Variants in LARP1 observed in about 807,000 individuals in gnomAD.
The protein encoded by LARP1 is La ribonucleoprotein 1, translational regulator, also known as la-related protein 1.
A neutral mutation model predicts 122.7 loss-of-function variants in LARP1; 36 were observed. That is an observed-to-expected ratio of 0.29 (90% CI 0.22 to 0.39). LARP1 has a LOEUF of 0.39. Ranked by LOEUF, LARP1 falls within the 10% of genes least tolerant of loss-of-function variation. The probability of loss-of-function intolerance (pLI) is 1.00; values close to 1 mark genes in which losing one functional copy is unlikely to be tolerated. For missense variants in LARP1, 1,040 were observed against 1,403.6 expected (o/e 0.74, Z 4.14); for synonymous variants, 539 against 528.7 (o/e 1.02, Z -0.27).
chr5:154,782,430 A>C (rs1048042321), intron 1 of LARP1, among the ~76,000 whole-genome samples: 3 of 152,142 alleles, frequency 2.0e-5, no homozygotes, highest in Admixed American at 1.3e-4. Context: ...CAGCCACCCG[A>C]GGGTGGCTGG....
At chr5:154,737,802 G>T (rs1056694500) in intron 1 of LARP1, among the ~76,000 whole-genome samples, 2 of 151,774 alleles carry the variant, frequency 1.3e-5, no homozygotes, top group African/African-American at 4.8e-5. Flanking sequence ...TGATATTCCC[G>T]GTTCCCCGCC....
At position 154,803,759 on chromosome 5, in the gene LARP1, G is replaced by T; in HGVS notation, c.2439+14G>T. ...CTGGATGCCAAGGTGAGGCATTCCT[G>T]TCGGGCTGCTCAGAGTCTTGGGTCT... On this transcript the variant is annotated intron_variant, in intron 13 of 18. Transcript: ENST00000518297. The surrounding 1 kb of genome is among the most constrained non-coding windows in gnomAD (Gnocchi z 4.4). 6.2e-7 allele frequency: 1 copy of T among 1,612,284 alleles called. No homozygotes were observed. Among genetic ancestry groups the T allele is most frequent in the South Asian group, 1.1e-5 (1 of 91,062 alleles).
At chr5:154,804,907 A>C (rs573374357) in intron 14 of LARP1, 2 of 456,160 alleles carry the variant, frequency 4.4e-6, no homozygotes, top group Non-Finnish European at 4.4e-6. Context: ...AAAATATACA[A>C]TTGATCTTTG....
At chr5:154,706,803 A>G (rs1754973706) in intron 1 of LARP1, among the ~76,000 whole-genome samples, 1 of 152,152 alleles carries the variant, frequency 6.6e-6, no homozygotes, top group Non-Finnish European at 1.5e-5. Context: ...ACTTGTCTAT[A>G]AGGTAAACAA....
At position 154,755,456 on chromosome 5, in the gene LARP1, C is replaced by A; in HGVS notation, c.-302C>A. The A allele has an allele frequency of 1.3e-6, 1 of 763,924 alleles. No individual in the cohort carries two copies. Among genetic ancestry groups the A allele is most frequent in the Non-Finnish European group, 1.6e-6 (1 of 627,224 alleles). The allele number at this position is 763,924 out of a possible 1,614,324, so 47.3% of individuals were successfully genotyped here. ...GGGGAGGGAGGGACGGGACTAGAAG[C>A]CTGCCGGGCTCGGGGTGGGGGCGTC... On this transcript the variant is annotated 5_prime_UTR_variant, in exon 1 of 19. Coordinates refer to ENST00000518297, the MANE Select transcript of LARP1 (RefSeq NM_033551.3).
chr5:154,806,675 G>A (rs140565489), intron 15 of LARP1, among the ~76,000 whole-genome samples: 4 of 152,238 alleles, frequency 2.6e-5, no homozygotes, highest in Admixed American at 6.5e-5. Flanking sequence ...CTGTAAAGAC[G>A]CGCAAAACCA....
In LARP1 at chr5:154,780,982, G is replaced by A. The variant is rs534666688; in HGVS notation, c.437-9343G>A. Among the ~76,000 whole-genome samples the A allele has an allele frequency of 3.0e-3, 451 of 152,250 alleles. 6 individuals carry two copies. Among genetic ancestry groups the A allele is most frequent in the African/African-American group, 0.01 (422 of 41,548 alleles). On this transcript the variant is annotated intron_variant, in intron 1 of 18. Coordinates refer to ENST00000518297, the MANE Select transcript of LARP1 (RefSeq NM_033551.3). ...GGAGGCTGAGGCAGGAGAATTGCTT[G>A]AACTTGGGAGGTGGAGGTGGCAGTG...
chr5:154,765,697 T>C (rs1754888121), intron 1 of LARP1, among the ~76,000 whole-genome samples: 1 of 152,202 alleles, frequency 6.6e-6, no homozygotes, highest in Non-Finnish European at 1.5e-5. Flanking sequence ...CCTGGCTATT[T>C]TTCTTCTTAG....
intron 2 of LARP1, 80 bp downstream of exon 2, chr5:154,790,466 C>A: frequency 1.4e-6 from 2 of 1,393,344 alleles, no homozygotes; most frequent in Non-Finnish European, 1.0e-6. Flanking sequence ...TGCTCCTGGA[C>A]TGCCAACTAG....
intron 1 of LARP1, among the ~76,000 whole-genome samples, chr5:154,693,207 G>A (rs111572396): frequency 5.3e-5 from 8 of 150,016 alleles, no homozygotes; most frequent in South Asian, 2.1e-4. Flanking sequence ...GCATGATCTC[G>A]GCTCACTGCA....
At chr5:154,789,219 C>CTTTTTTT (rs757782683) in intron 1 of LARP1, among the ~76,000 whole-genome samples, 2 of 91,376 alleles carry the variant, frequency 2.2e-5, no homozygotes, top group Non-Finnish European at 4.0e-5. Context: ...TCAAAACAAA[C>CTTTTTTT]TTTTTTTTTT....
In LARP1 at chr5:154,756,564, C is replaced by T. The variant is rs1055208130; in HGVS notation, c.436+371C>T. The T allele has an allele frequency of 3.3e-6, 3 of 917,472 alleles. No individual in the cohort carries two copies. In the African/African-American group the frequency reaches 5.4e-5, roughly 16 times the overall value. 56.8% of individuals were successfully genotyped at this position (917,472 alleles called of 1,614,324 possible). A position where few individuals can be genotyped will look rare whatever the true frequency, so the allele number is the denominator to read the frequency against. On this transcript the variant is annotated intron_variant, in intron 1 of 18. Transcript: ENST00000518297. ...GGTTTGAACCTTCCTCTGGAAGCCC[C>T]TCTTCCCACCCCGCCCGGCGCTCCC...
At chr5:154,813,077 G>A (rs1759418802) in intron 18 of LARP1, among the ~76,000 whole-genome samples, 4 of 103,426 alleles carry the variant, frequency 3.9e-5, no homozygotes, top group South Asian at 7.3e-4. Context: ...TAACCCTTAT[G>A]TGGTGACGCA....
chr5:154,801,075 A>G (rs1758310526), intron 10 of LARP1, among the ~76,000 whole-genome samples: 1 of 152,196 alleles, frequency 6.6e-6, no homozygotes, highest in South Asian at 2.1e-4. Context: ...TTAAAAAAAG[A>G]TAGGTTTAGA....
chr5:154,705,726 T>C (rs762546714), intron 1 of LARP1: 18 of 150,186 alleles, frequency 1.2e-4, no homozygotes, highest in Non-Finnish European at 2.5e-4. Context: ...TGACTGTCTT[T>C]AAAAAAAAAG....
exon 1 of LARP1, among the ~76,000 whole-genome samples, chr5:154,682,999 T>C (rs1443457755): frequency 6.6e-6 from 1 of 152,270 alleles, no homozygotes; most frequent in East Asian, 1.9e-4. Flanking sequence ...TCATCGCTGC[T>C]GCGGCGCTGC....
rs113850545 is a variant in LARP1 at position 154,778,480 on chromosome 5, G to A, written c.437-11845G>A. Among the ~76,000 whole-genome samples the A allele has an allele frequency of 1.0e-3, 154 of 152,262 alleles. 1 individual carries two copies. Among genetic ancestry groups the A allele is most frequent in the African/African-American group, 3.6e-3 (150 of 41,562 alleles). ...TGAAGGATGGGACCCAGGAATCTAC[G>A]TTTTGACAAGCTCCTCACATGATAA... On this transcript the variant is annotated intron_variant, in intron 1 of 18. Coordinates refer to ENST00000518297, the MANE Select transcript of LARP1 (RefSeq NM_033551.3).
rs763453823 is a variant in LARP1, at chr5:154,803,423, A to G, written c.2233+10A>G. 4 of 1,614,064 alleles carry G rather than the reference A, an allele frequency of 2.5e-6. No homozygotes were observed. The African/African-American group carries it at 5.3e-5, about 22-fold the overall frequency. On this transcript the variant is annotated intron_variant, in intron 12 of 18. Transcript: ENST00000518297. This position sits in a 1 kb window ranked among gnomAD's most constrained non-coding sequence, Gnocchi z 4.4. ...CCTCGGTTCCAGCAAGGTGAGAAGCAGACACCTGAGATCCTGACATGGGTG... is the reference window on the plus strand; with the variant it reads ...CCTCGGTTCCAGCAAGGTGAGAAGCGGACACCTGAGATCCTGACATGGGTG...
chr5:154,710,186 G>A (rs1265814850), upstream of LARP1, among the ~76,000 whole-genome samples: 1 of 152,172 alleles, frequency 6.6e-6, no homozygotes. Flanking sequence ...CCACAGACTG[G>A]TACCAGTCCA....
Sources: gnomAD v4.1 joint callset for allele counts (sites outside exome capture counted in the v4.1 genomes callset) on GRCh38, gnomAD v4.1.1 for gene constraint, Gnocchi (gnomAD v3.1) non-coding constraint, MANE v1.5 for transcripts, NCBI Gene and HGNC (gene_info 2026-07-23, HGNC 2026-07-21) for gene names.